PKHD1: variants seen among roughly 807,000 people sequenced by gnomAD.
PKHD1 encodes fibrocystin.
PKHD1 carries 291 observed loss-of-function variants against 412.0 expected under a neutral mutation model. The observed-to-expected ratio is 0.71, with a 90% confidence interval of 0.64 to 0.78. The LOEUF (loss-of-function observed/expected upper bound fraction) is 0.78, where lower values mean the gene tolerates loss of function less well. PKHD1 is among the 30% of genes least tolerant of loss of function. The probability of loss-of-function intolerance (pLI) is 0.00; values close to 1 mark genes in which losing one functional copy is unlikely to be tolerated. For missense variants in PKHD1, 4,825 were observed against 4,950.7 expected, an observed-to-expected ratio of 0.97 and a Z score of 0.76; for synonymous variants, 1,777 against 1,821.5, an observed-to-expected ratio of 0.98 and a Z score of 0.62.
chr6:52,054,277 TC>T, intron 19 of PKHD1, 112 bp from the exon 20 acceptor site: 2 of 964,872 alleles, frequency 2.1e-6, no homozygotes, highest in Non-Finnish European at 3.3e-6. Flanking sequence ...TCTGAGAGAG[TC>T]AGCACAGTTC....
At position 52,075,906 on chromosome 6, in the gene PKHD1, T is replaced by G. The variant is rs143277111; in HGVS notation, c.448+370A>C. Reference sequence around the variant, plus strand: ...GTTTTGGCGAGGATCTAGTAAGATATCTGAAGAGCTTAGACTGGAGCCTGG... The same window carrying G: ...GTTTTGGCGAGGATCTAGTAAGATAGCTGAAGAGCTTAGACTGGAGCCTGG... On this transcript the variant is annotated intron_variant, in intron 6 of 66. Transcript: ENST00000371117. 1.2e-4 allele frequency among the ~76,000 whole-genome samples: 18 copies of G among 152,322 alleles called. No individual in the cohort carries two copies. In the East Asian group the frequency reaches 3.3e-3, roughly 28 times the overall value.
In PKHD1 at chr6:51,959,926, CCA is replaced by C; in HGVS notation, c.5850_5851del (p.Asn1950LysfsTer9). On this transcript the variant is annotated frameshift_variant, in exon 36 of 67. Transcript: ENST00000371117. LOFTEE classifies it high-confidence loss of function. ...GTTAGTGTCCAGCAGAAGCAATTGG[CCA>C]TTCTCCACTGTGACGTTGTCGCCAT... 1 of 1,613,418 alleles carries C rather than the reference CCA, an allele frequency of 6.2e-7. No homozygotes were observed. The highest frequency in any genetic ancestry group is 8.5e-7 in the Non-Finnish European group (1 of 1,179,504).
intron 60 of PKHD1, among the ~76,000 whole-genome samples, chr6:51,687,103 G>A (rs891165587): frequency 6.6e-6 from 1 of 152,140 alleles, no homozygotes; most frequent in African/African-American, 2.4e-5. Flanking sequence ...GAAAAGAGGA[G>A]CAGGGAAGAA....
chr6:51,932,892 G>A (rs909045985), intron 37 of PKHD1, among the ~76,000 whole-genome samples: 1 of 152,164 alleles, frequency 6.6e-6, no homozygotes, highest in African/African-American at 2.4e-5. Context: ...AATGATTGGG[G>A]CCTGTGGTCG....
At chr6:51,743,085 G>A (rs1048722726) in intron 60 of PKHD1, among the ~76,000 whole-genome samples, 9 of 152,122 alleles carry the variant, frequency 5.9e-5, no homozygotes, top group Admixed American at 5.9e-4. Flanking sequence ...GGAACCAGGG[G>A]CTACAAGACT....
At chr6:51,982,176 G>A (rs1368683893) in intron 35 of PKHD1, among the ~76,000 whole-genome samples, 2 of 43,740 alleles carry the variant, frequency 4.6e-5, no homozygotes, top group African/African-American at 1.5e-4. Context: ...ACCCCGTCCG[G>A]GAGGGAGGTG....
chr6:51,800,380 C>A (rs886453980), intron 52 of PKHD1, among the ~76,000 whole-genome samples: 8 of 146,672 alleles, frequency 5.5e-5, no homozygotes, highest in African/African-American at 2.2e-4. Context: ...GCACCAAATG[C>A]AACAACAACA....
At chr6:51,824,483 G>C (rs1356119919) in intron 52 of PKHD1, among the ~76,000 whole-genome samples, 1 of 152,084 alleles carries the variant, frequency 6.6e-6, no homozygotes, top group Non-Finnish European at 1.5e-5. Flanking sequence ...CTTAAAGCAA[G>C]GTTCACTAAG....
intron 35 of PKHD1, among the ~76,000 whole-genome samples, chr6:51,970,577 C>T (rs896046584): frequency 4.6e-5 from 7 of 152,120 alleles, no homozygotes; most frequent in African/African-American, 1.7e-4. Flanking sequence ...GACTTTTATA[C>T]TGTCGGGTGT....
Position 51,617,111 on chromosome 6 carries a change from G to A in PKHD1, c.*1970C>T, listed in dbSNP as rs759035032. 12 of 157,714 alleles carry A rather than the reference G, an allele frequency of 7.6e-5. No homozygotes were observed. The highest frequency in any genetic ancestry group is 4.1e-4 in the South Asian group (2 of 4,876). 9.8% of individuals were successfully genotyped at this position (157,714 alleles called of 1,614,324 possible). ...AACTTAAAAAGTGGTGAAAGAATCC[G>A]AGGAAATGAAAGAAAGCATGTGCAG... On this transcript the variant is annotated 3_prime_UTR_variant, in exon 67 of 67. Transcript: ENST00000371117.
chr6:51,743,616 A>G (rs1439184901), intron 60 of PKHD1, among the ~76,000 whole-genome samples: 1 of 152,194 alleles, frequency 6.6e-6, no homozygotes, highest in African/African-American at 2.4e-5. Context: ...AGAAAGAAGG[A>G]AAAAGGTCTC....
Position 52,026,023 on chromosome 6 carries a change from G to A in PKHD1, c.3787C>T (p.Pro1263Ser), listed in dbSNP as rs1208007711. Residue 1263 changes from proline to serine, a missense_variant, in exon 32 of 67, where the codon CCC (proline) becomes TCC (serine). Pro to Ser is a moderately conservative substitution (Grantham distance 74). Coordinates refer to ENST00000371117, the MANE Select transcript of PKHD1 (RefSeq NM_138694.4). ...ACCTCCACGGCAGCTGGAACAGTGG[G>A]AGCGCCCGCATCGGGTATCTGGGGG... is the stretch of plus-strand genomic sequence containing the variant. ...PAPQIPDAGAPTVPAAVEVWA... is the reference protein window; with the variant it reads ...PAPQIPDAGASTVPAAVEVWA... 6.2e-7 allele frequency: 1 copy of A among 1,614,120 alleles called. No individual in the cohort carries two copies. The highest frequency in any genetic ancestry group is 8.5e-7 in the Non-Finnish European group (1 of 1,180,030).
intron 52 of PKHD1, among the ~76,000 whole-genome samples, chr6:51,798,216 T>C (rs192188310): frequency 5.8e-4 from 88 of 152,116 alleles, no homozygotes; most frequent in Non-Finnish European, 9.4e-4. Flanking sequence ...TCGTCTCTAC[T>C]AAAAATACAA....
chr6:51,626,924 T>G (rs1412611252), intron 66 of PKHD1, 73 bp downstream of exon 66: 4 of 1,531,394 alleles, frequency 2.6e-6, no homozygotes, highest in Non-Finnish European at 2.7e-6. Context: ...GAGACAGAGC[T>G]GAAGGAGAGG....
rs1221658674 is a variant in PKHD1 at position 52,022,890 on chromosome 6, T to C, written c.5291A>G (p.Asn1764Ser). Residue 1764 changes from asparagine (N) to serine (S), a missense_variant, in exon 33 of 67, where the codon AAT (asparagine) becomes AGT (serine). By Grantham distance (46) the Asn-to-Ser change is conservative. Coordinates refer to ENST00000371117, the MANE Select transcript of PKHD1 (RefSeq NM_138694.4). ...AGCACCACACACAGCAGCTGAGACATTCCCTGGAGAAAATCCCGCTCCAAA... is the reference window on the plus strand; with the variant it reads ...AGCACCACACACAGCAGCTGAGACACTCCCTGGAGAAAATCCCGCTCCAAA... ...HVFGAGFSPG[N>S]VSAAVCGAPC... 5.0e-6 allele frequency: 8 copies of C among 1,613,822 alleles called. No homozygotes were observed. The South Asian group carries it at 6.6e-5, about 13-fold the overall frequency.
intron 61 of PKHD1, among the ~76,000 whole-genome samples, chr6:51,656,283 T>C (rs1054855081): frequency 2.0e-5 from 3 of 151,710 alleles, no homozygotes; most frequent in Admixed American, 6.6e-5. Context: ...TAAGTGGGAG[T>C]TGAATAATGA....
chr6:51,864,205 G>A (rs1774671402), intron 48 of PKHD1, among the ~76,000 whole-genome samples: 1 of 152,148 alleles, frequency 6.6e-6, no homozygotes, highest in Admixed American at 6.5e-5. Context: ...AGTGCTGAGA[G>A]ATAATGCTGG....
chr6:52,070,519 G>T (rs1003320202), intron 9 of PKHD1, 74 bp from the exon 10 acceptor site: 2 of 1,067,706 alleles, frequency 1.9e-6, no homozygotes, highest in Non-Finnish European at 2.9e-6. Flanking sequence ...GCTTTCATAA[G>T]CCCAAAGACT....
intron 37 of PKHD1, among the ~76,000 whole-genome samples, chr6:51,927,328 G>A (rs747427381): frequency 6.6e-6 from 1 of 152,156 alleles, no homozygotes; most frequent in Non-Finnish European, 1.5e-5. Flanking sequence ...AGGATCAGGA[G>A]ATGATAAGCA....
Sources: gnomAD v4.1 joint callset for allele counts (sites outside exome capture counted in the v4.1 genomes callset) on GRCh38, gnomAD v4.1.1 for gene constraint, MANE v1.5 for transcripts, NCBI Gene and HGNC (gene_info 2026-07-23, HGNC 2026-07-21) for gene names.